Variants in MRO observed in about 807,000 individuals in gnomAD.
MRO encodes maestro.
Under a neutral mutation model 31.0 loss-of-function variants are expected in MRO, and 28 were observed. The observed-to-expected ratio is 0.90, with a 90% confidence interval of 0.67 to 1.24. MRO has a LOEUF of 1.24. Among genes scored for constraint, MRO ranks in the 50% most tolerant of loss-of-function variants. The pLI is 0.00. For missense variants in MRO, 332 were observed against 289.2 expected (o/e 1.15, Z -1.07); for synonymous variants, 108 against 108.4 (o/e 1.00, Z 0.02).
intron 7 of MRO, 48 bp downstream of exon 7, chr18:50,799,987 AG>A: frequency 7.5e-7 from 1 of 1,341,358 alleles, no homozygotes; most frequent in East Asian, 2.3e-5. Context: ...GTTAACCACC[AG>A]GAGGGCAGGG....
intron 5 of MRO, among the ~76,000 whole-genome samples, chr18:50,803,699 GCAGGTGAGA>G (rs1213679037): frequency 1.3e-5 from 2 of 152,206 alleles, no homozygotes; most frequent in Non-Finnish European, 2.9e-5. Flanking sequence ...TGTCTCTGGA[GCAGGTGAGA>G]CACATGTGCC....
rs1382161760 is a variant in MRO, at chr18:50,805,134, A to G, written c.429+20T>C. On this transcript the variant is annotated intron_variant, in intron 5 of 7. Transcript: ENST00000398439. ...GCCCATTTTGATTTCAATAACCCAG[A>G]ATTTTTCTGATTTACTTACGTCATC... 4 of 1,599,582 alleles carry G rather than the reference A, an allele frequency of 2.5e-6. No individual in the cohort carries two copies. In the South Asian group the frequency reaches 4.4e-5, roughly 18 times the overall value.
chr18:50,815,359 T>C, intron 2 of MRO: 2 of 261,320 alleles, frequency 7.7e-6, no homozygotes, highest in Non-Finnish European at 1.6e-5. Flanking sequence ...GAAAGGAGGC[T>C]ATGGTGGTGA....
At chr18:50,810,012 C>G (rs1914330109) in intron 2 of MRO, among the ~76,000 whole-genome samples, 1 of 152,202 alleles carries the variant, frequency 6.6e-6, no homozygotes, top group Non-Finnish European at 1.5e-5. Context: ...GTCTCCCAGG[C>G]TGGAGTGCAG....
chr18:50,806,110 A>T lies in MRO; in HGVS notation c.246+594T>A, dbSNP rs75362953. On this transcript the variant is annotated intron_variant, in intron 4 of 7. Transcript: ENST00000398439. ...GGGCAATTTTTTGTATTTTTACAAA[A>T]ATATAAAAGAAATGGGGTTTCACCA... 6.2e-3 allele frequency among the ~76,000 whole-genome samples: 942 copies of T among 152,254 alleles called. 8 individuals are homozygous for T. The highest frequency in any genetic ancestry group is 0.021 in the African/African-American group (890 of 41,542).
intron 3 of MRO, among the ~76,000 whole-genome samples, chr18:50,807,574 T>C (rs1183779391): frequency 6.5e-5 from 9 of 137,832 alleles, no homozygotes; most frequent in African/African-American, 1.3e-4. Flanking sequence ...CATTTCAGGA[T>C]TAATCTAGTA....
At chr18:50,819,246 C>A (rs1915177105) in intron 2 of MRO, among the ~76,000 whole-genome samples, 1 of 152,124 alleles carries the variant, frequency 6.6e-6, no homozygotes, top group Non-Finnish European at 1.5e-5. Flanking sequence ...GTCCTGTGAG[C>A]TGAACGAGGG....
chr18:50,804,849 T>C (rs567796717), intron 5 of MRO, among the ~76,000 whole-genome samples: 8 of 150,916 alleles, frequency 5.3e-5, no homozygotes, highest in African/African-American at 1.9e-4. Context: ...TGGAGTGCAG[T>C]GGCGTGATCT....
intron 2 of MRO, chr18:50,815,193 T>C: frequency 5.2e-6 from 1 of 193,404 alleles, no homozygotes; most frequent in South Asian, 1.1e-4. Context: ...ACGCCATTAA[T>C]GGGCATAATT....
rs144026601 is a variant in MRO, at chr18:50,802,124, C to A, written c.430-620G>T. ...TAAAAGAGTTTTCATTTTTCTTTTTCTTTTCTTTTTTCTCTTTTTCTTTTC... is the reference window on the plus strand; with the variant it reads ...TAAAAGAGTTTTCATTTTTCTTTTTATTTTCTTTTTTCTCTTTTTCTTTTC... On this transcript the variant is annotated intron_variant, in intron 5 of 7. Transcript: ENST00000398439. 1.2e-4 allele frequency among the ~76,000 whole-genome samples: 18 copies of A among 152,182 alleles called. No individual in the cohort carries two copies. In the East Asian group the frequency reaches 3.1e-3, roughly 26 times the overall value.
chr18:50,818,842 C>T (rs1915141285), intron 2 of MRO, among the ~76,000 whole-genome samples: 1 of 152,028 alleles, frequency 6.6e-6, no homozygotes, highest in East Asian at 1.9e-4. Context: ...TGCTTGAGGT[C>T]AGGAGATCAA....
At position 50,806,709 on chromosome 18, in the gene MRO, C is replaced by CA. The variant is rs1172597626; in HGVS notation, c.240dup (p.Asp81Ter). The CA allele has an allele frequency of 2.5e-6, 4 of 1,614,148 alleles. No individual in the cohort carries two copies. Among genetic ancestry groups the CA allele is most frequent in the Non-Finnish European group, 3.4e-6 (4 of 1,180,042 alleles). Reference sequence around the variant, plus strand: ...GCCCCACTCTCCTTCCCTACCTTGTCAGGGGCTTCATAGGCCATGGTTCCC... The same window carrying CA: ...GCCCCACTCTCCTTCCCTACCTTGTCAAGGGGCTTCATAGGCCATGGTTCCC... On this transcript the variant is annotated frameshift_variant, in exon 4 of 8. Coordinates refer to ENST00000398439, the MANE Select transcript of MRO (RefSeq NM_031939.6). LOFTEE classifies it high-confidence loss of function.
chr18:50,801,314 A>T, intron 6 of MRO, 35 bp downstream of exon 6: 1 of 1,521,956 alleles, frequency 6.6e-7, no homozygotes. Context: ...TAGCATGGAG[A>T]TGTCACTCTG....
chr18:50,801,588 C>T, intron 5 of MRO, 84 bp from the exon 6 acceptor site: 1 of 1,269,176 alleles, frequency 7.9e-7, no homozygotes, highest in Non-Finnish European at 1.1e-6. Context: ...AGCCATCGGT[C>T]AGAACACATC....
intron 5 of MRO, among the ~76,000 whole-genome samples, chr18:50,803,255 A>G (rs951465495): frequency 6.6e-6 from 1 of 152,134 alleles, no homozygotes; most frequent in African/African-American, 2.4e-5. Context: ...CATGCCTGAA[A>G]TCCCAGCCCT....
chr18:50,802,354 T>C (rs1913424041), intron 5 of MRO, among the ~76,000 whole-genome samples: 1 of 152,218 alleles, frequency 6.6e-6, no homozygotes, highest in Non-Finnish European at 1.5e-5. Flanking sequence ...CTCCGCCCTC[T>C]CTTTCTTTCC....
At chr18:50,815,260 T>C in intron 2 of MRO, 1 of 248,730 alleles carries the variant, frequency 4.0e-6, no homozygotes, top group Non-Finnish European at 8.2e-6. Context: ...CATAAAGAGG[T>C]CATGGAAGTG....
intron 1 of MRO, 59 bp downstream of exon 1, chr18:50,819,838 A>G: frequency 6.5e-7 from 1 of 1,539,846 alleles, no homozygotes; most frequent in African/African-American, 1.4e-5. Flanking sequence ...AGGGGAGGGA[A>G]TTGTTCTGGA....
chr18:50,819,366 G>A (rs917984074), intron 2 of MRO: 15 of 888,272 alleles, frequency 1.7e-5, no homozygotes, highest in Non-Finnish European at 2.0e-5. Context: ...ACTATTGATC[G>A]ATTAACATAG....
Sources: gnomAD v4.1 joint callset for allele counts (sites outside exome capture counted in the v4.1 genomes callset) on GRCh38, gnomAD v4.1.1 for gene constraint, MANE v1.5 for transcripts, NCBI Gene and HGNC (gene_info 2026-07-23, HGNC 2026-07-21) for gene names.